Variants in CFAP69 observed in about 807,000 individuals in gnomAD.
CFAP69 encodes cilia- and flagella-associated protein 69.
CFAP69 carries 92 observed loss-of-function variants against 123.0 expected under a neutral mutation model. The observed-to-expected ratio is 0.75, with a 90% CI of 0.63 to 0.89. The LOEUF is 0.89. Ranked by LOEUF, CFAP69 falls within the 40% of genes least tolerant of loss-of-function variation. The pLI is 0.00. For synonymous variants in CFAP69, 380 were observed against 364.3 expected (o/e 1.04, Z -0.49); for missense variants, 1,067 against 1,096.9 (o/e 0.97, Z 0.39).
intron 1 of CFAP69, among the ~76,000 whole-genome samples, chr7:90,252,621 G>A (rs1176390322): frequency 5.3e-5 from 8 of 152,174 alleles, no homozygotes; most frequent in Non-Finnish European, 7.3e-5. Flanking sequence ...GCAGTGAGCC[G>A]TGATTGCACC....
At chr7:90,287,423 GT>G in intron 14 of CFAP69, 2 of 872,216 alleles carry the variant, frequency 2.3e-6, no homozygotes, top group Non-Finnish European at 2.8e-6. Flanking sequence ...CATTTTAAAT[GT>G]TGTTTGGGGT....
chr7:90,300,630 T>C (rs890769183), intron 17 of CFAP69: 1 of 326,974 alleles, frequency 3.1e-6, no homozygotes, highest in Non-Finnish European at 4.4e-6. Context: ...CATACTGCTA[T>C]ATTACATTTT....
At chr7:90,296,828 G>GA (rs1203446697) in intron 15 of CFAP69, among the ~76,000 whole-genome samples, 1 of 152,284 alleles carries the variant, frequency 6.6e-6, no homozygotes, top group East Asian at 1.9e-4. Context: ...GCTATCTGTT[G>GA]AAATGGGTAA....
At chr7:90,312,733 AG>A (rs1794435989), downstream of CFAP69, 1 of 152,174 alleles carries the variant, frequency 6.6e-6, no homozygotes, top group African/African-American at 2.4e-5. Flanking sequence ...CCTGAGCCCT[AG>A]GGGACATGAT....
At chr7:90,298,395 T>C (rs1193208404) in intron 16 of CFAP69, among the ~76,000 whole-genome samples, 1 of 152,164 alleles carries the variant, frequency 6.6e-6, no homozygotes, top group Non-Finnish European at 1.5e-5. Context: ...CTAGCCTCAA[T>C]TCTAACTGGA....
At chr7:90,264,110 T>A (rs1345595531) in intron 4 of CFAP69, among the ~76,000 whole-genome samples, 4,750 of 28,542 alleles carry the variant, frequency 0.17, 1,585 homozygotes, top group East Asian at 0.52. Flanking sequence ...AAAAAATATA[T>A]ATATATATAT....
chr7:90,250,204 G>GAGAGAGAGAGAA (rs1796821589), intron 1 of CFAP69, among the ~76,000 whole-genome samples: 2 of 114,678 alleles, frequency 1.7e-5, no homozygotes, highest in Non-Finnish European at 3.2e-5. Context: ...GAGAGAGAGA[G>GAGAGAGAGAGAA]AGAGAGAGAG....
intron 2 of CFAP69, among the ~76,000 whole-genome samples, chr7:90,256,686 TA>T (rs1424823131): frequency 6.6e-6 from 1 of 152,232 alleles, no homozygotes; most frequent in Non-Finnish European, 1.5e-5. Context: ...ACTATTGGAA[TA>T]ATTTATCTTT....
chr7:90,278,506 C>G (rs1313948706), intron 11 of CFAP69, among the ~76,000 whole-genome samples: 1 of 151,914 alleles, frequency 6.6e-6, no homozygotes, highest in East Asian at 1.9e-4. Context: ...GAAAATTATT[C>G]CATAAAGTAT....
chr7:90,266,381 A>G (rs977236267), intron 5 of CFAP69, among the ~76,000 whole-genome samples: 1 of 152,110 alleles, frequency 6.6e-6, no homozygotes, highest in Non-Finnish European at 1.5e-5. Flanking sequence ...GTTCAGAAAT[A>G]TGGGAATTTT....
intron 13 of CFAP69, among the ~76,000 whole-genome samples, 166 bp downstream of exon 13, chr7:90,283,222 T>C (rs1180624876): frequency 6.6e-6 from 1 of 152,244 alleles, no homozygotes; most frequent in African/African-American, 2.4e-5. Context: ...GTGTGTCTTA[T>C]TGAAATATCA....
At chr7:90,294,464 C>T (rs1442413616) in intron 15 of CFAP69, among the ~76,000 whole-genome samples, 2 of 152,122 alleles carry the variant, frequency 1.3e-5, no homozygotes, top group East Asian at 3.9e-4. Context: ...ACATCACACA[C>T]ATAATACATT....
At chr7:90,322,722 T>C in the CFAP69 span, 15 of 152,318 alleles carry the variant, frequency 9.8e-5, no homozygotes, top group Non-Finnish European at 1.9e-4. Context: ...AGACAGGTAA[T>C]AGTTGTCATT....
chr7:90,282,840 A>G, intron 12 of CFAP69, 52 bp from the exon 13 acceptor site: 1 of 1,342,416 alleles, frequency 7.4e-7, no homozygotes, highest in South Asian at 2.1e-5. Flanking sequence ...TATCTGATAT[A>G]TTTGCTTTAT....
downstream of CFAP69, among the ~76,000 whole-genome samples, chr7:90,311,595 T>C (rs951537115): frequency 2.6e-5 from 4 of 152,168 alleles, no homozygotes; most frequent in African/African-American, 9.7e-5. Flanking sequence ...TTTTCCTCCT[T>C]CTTCTTTCCT....
At chr7:90,255,151 A>G (rs1189029404) in intron 1 of CFAP69, among the ~76,000 whole-genome samples, 1 of 152,246 alleles carries the variant, frequency 6.6e-6, no homozygotes, top group Admixed American at 6.5e-5. Flanking sequence ...TGGAAGTACT[A>G]TTATTCTAAA....
chr7:90,290,770 C>G (rs1281470836), intron 15 of CFAP69, among the ~76,000 whole-genome samples: 1 of 113,860 alleles, frequency 8.8e-6, no homozygotes, highest in African/African-American at 3.9e-5. Context: ...CTTTTCTTTT[C>G]TTTTCTTTTC....
chr7:90,282,902 C>T lies in CFAP69; in HGVS notation c.1383C>T (p.Phe461=). 1 of 1,484,136 alleles carries T rather than the reference C, an allele frequency of 6.7e-7. No individual in the cohort carries two copies. Among genetic ancestry groups the T allele is most frequent in the Non-Finnish European group, 8.9e-7 (1 of 1,117,610 alleles). 91.9% of individuals were successfully genotyped at this position (1,484,136 alleles called of 1,614,324 possible). A position where few individuals can be genotyped will look rare whatever the true frequency, so the allele number is the denominator to read the frequency against. The change falls in exon 13 of 23, where the codon TTC becomes TTT. Residue 461 remains phenylalanine (F), a synonymous_variant. Transcript: ENST00000389297. The part of the protein sequence containing the change: ...LEWCESEDPF[F]SHGNSFHGTG... ...ACTTTTTCTCCACAGATCCGTTTTT[C>T]AGTCATGGTAACAGTTTTCATGGTA... is the stretch of plus-strand genomic sequence containing the variant.
the CFAP69 span, chr7:90,319,064 C>T: frequency 4.2e-6 from 1 of 235,356 alleles, no homozygotes; most frequent in African/African-American, 2.2e-5. Context: ...TGAATAATTA[C>T]AGGGTTAAAT....
Sources: gnomAD v4.1 joint callset for allele counts (sites outside exome capture counted in the v4.1 genomes callset) on GRCh38, gnomAD v4.1.1 for gene constraint, MANE v1.5 for transcripts, NCBI Gene and HGNC (gene_info 2026-07-23, HGNC 2026-07-21) for gene names.